Variants in TACR3 observed in about 807,000 individuals in gnomAD.
The protein encoded by TACR3 is neuromedin-K receptor.
In TACR3, 34 loss-of-function variants were observed where a neutral mutation model predicts 35.0. The observed-to-expected ratio is 0.97, with a 90% confidence interval of 0.74 to 1.30. TACR3 has a LOEUF of 1.30. TACR3 is among the 50% of genes most tolerant of loss of function. The pLI is 0.00. For missense variants in TACR3, 558 were observed against 591.7 expected (o/e 0.94, Z 0.59); for synonymous variants, 233 against 221.1 (o/e 1.05, Z -0.48).
chr4:103,698,887 T>C (rs1017239499), intron 1 of TACR3, among the ~76,000 whole-genome samples: 3 of 152,186 alleles, frequency 2.0e-5, no homozygotes, highest in Admixed American at 6.5e-5. Context: ...TGTATGACTG[T>C]ATAAAAACAT....
chr4:103,695,143 A>G (rs539166041), intron 1 of TACR3, among the ~76,000 whole-genome samples: 1 of 152,324 alleles, frequency 6.6e-6, no homozygotes, highest in South Asian at 2.1e-4. Context: ...TTACAGTGAA[A>G]CTAAAAATAA....
At chr4:103,700,773 C>A (rs191633967) in intron 1 of TACR3, among the ~76,000 whole-genome samples, 1 of 152,066 alleles carries the variant, frequency 6.6e-6, no homozygotes, top group Admixed American at 6.6e-5. Flanking sequence ...CATAATCCAG[C>A]GTATAAACAG....
chr4:103,618,165 G>A (rs1024171699), intron 3 of TACR3, among the ~76,000 whole-genome samples: 13 of 152,178 alleles, frequency 8.5e-5, no homozygotes, highest in Non-Finnish European at 1.6e-4. Context: ...TCGATGTTGA[G>A]AAGAGTACTT....
intron 3 of TACR3, among the ~76,000 whole-genome samples, chr4:103,646,282 A>T (rs1406558490): frequency 6.6e-6 from 1 of 152,008 alleles, no homozygotes; most frequent in Non-Finnish European, 1.5e-5. Flanking sequence ...CTAACAGAAG[A>T]CTAGAAAACA....
rs932174631 is a variant in TACR3, at chr4:103,630,806, T to C, written c.888+25388A>G. Among the ~76,000 whole-genome samples the C allele has an allele frequency of 2.0e-5, 3 of 152,076 alleles. No individual in the cohort carries two copies. The South Asian group carries it at 6.2e-4, about 31-fold the overall frequency. ...CAAGTATCTAGAACTAGAAAAACCATTGACCCAGCCATCCCATTACTGGGT... is the reference window on the plus strand; with the variant it reads ...CAAGTATCTAGAACTAGAAAAACCACTGACCCAGCCATCCCATTACTGGGT... On this transcript the variant is annotated intron_variant, in intron 3 of 4. Coordinates refer to ENST00000304883, the MANE Select transcript of TACR3 (RefSeq NM_001059.3).
chr4:103,655,834 T>C (rs1725723079), intron 3 of TACR3, among the ~76,000 whole-genome samples: 1 of 152,036 alleles, frequency 6.6e-6, no homozygotes, highest in Non-Finnish European at 1.5e-5. Context: ...GAGCAGATTA[T>C]AGAATACATC....
chr4:103,597,446 C>CT (rs529213074), intron 3 of TACR3, among the ~76,000 whole-genome samples: 13 of 151,808 alleles, frequency 8.6e-5, no homozygotes, highest in East Asian at 7.7e-4. Context: ...GATTAGAATC[C>CT]TTTTTTTTAA....
chr4:103,614,579 A>G (rs1227736359), intron 3 of TACR3, among the ~76,000 whole-genome samples: 1 of 152,200 alleles, frequency 6.6e-6, no homozygotes, highest in Non-Finnish European at 1.5e-5. Flanking sequence ...ACAAAATTTG[A>G]TTTAAATCTA....
chr4:103,664,411 G>C (rs141237351), intron 1 of TACR3, among the ~76,000 whole-genome samples: 1 of 152,184 alleles, frequency 6.6e-6, no homozygotes, highest in Admixed American at 6.5e-5. Flanking sequence ...AGTTGTTTCT[G>C]GATTTTTATG....
intron 3 of TACR3, among the ~76,000 whole-genome samples, chr4:103,643,673 ATATATGTCAAAGCTC>A (rs1391939634): frequency 6.6e-6 from 1 of 151,794 alleles, no homozygotes; most frequent in Non-Finnish European, 1.5e-5. Context: ...GAGTACAACG[ATATATGTCAAAGCTC>A]TATATAATGA....
chr4:103,654,408 G>A (rs1330964149), intron 3 of TACR3, among the ~76,000 whole-genome samples: 1 of 114,294 alleles, frequency 8.7e-6, no homozygotes. Context: ...TGACATGGAT[G>A]AAACTGGAAA....
At chr4:103,693,841 A>T (rs1722465181) in intron 1 of TACR3, among the ~76,000 whole-genome samples, 1 of 152,178 alleles carries the variant, frequency 6.6e-6, no homozygotes, top group Middle Eastern at 3.4e-3. Context: ...GACCTTAATG[A>T]TAATATTTTT....
chr4:103,640,047 A>G (rs901194719), intron 3 of TACR3, among the ~76,000 whole-genome samples: 1 of 152,010 alleles, frequency 6.6e-6, no homozygotes. Flanking sequence ...AGCATTAGGA[A>G]CTAGAGACTT....
intron 3 of TACR3, chr4:103,624,400 CAA>C (rs1724846633): frequency 6.6e-6 from 1 of 151,918 alleles, no homozygotes; most frequent in South Asian, 2.1e-4. Context: ...ACCTGAGAAT[CAA>C]AAGGGATAAA....
intron 1 of TACR3, among the ~76,000 whole-genome samples, chr4:103,665,198 C>CT (rs1251935608): frequency 6.8e-6 from 1 of 148,102 alleles, no homozygotes; most frequent in African/African-American, 2.5e-5. Flanking sequence ...AGTGAATAAG[C>CT]TTTTATTAAA....
intron 1 of TACR3, among the ~76,000 whole-genome samples, chr4:103,712,552 T>A (rs142913139): frequency 0.12 from 17,788 of 152,088 alleles, 1,359 homozygotes; most frequent in East Asian, 0.37. Context: ...ACCATTCAGG[T>A]CATAGGCATG....
rs1215455280 is a variant in TACR3, at chr4:103,589,199, A to G, written c.*483T>C. 1 of 153,904 alleles carries G rather than the reference A, an allele frequency of 6.5e-6. No homozygotes were observed. The highest frequency in any genetic ancestry group is 1.4e-5 in the Non-Finnish European group (1 of 69,154). 9.5% of individuals were successfully genotyped at this position (153,904 alleles called of 1,614,324 possible). A position where few individuals can be genotyped will look rare whatever the true frequency, so the allele number is the denominator to read the frequency against. On this transcript the variant is annotated 3_prime_UTR_variant, in exon 5 of 5. Transcript: ENST00000304883. Reference sequence around the variant, plus strand: ...CTTGAGGTTAATTTTCCATTACTCTAGTGGGAAAATGAATCATTTAACTTT... The same window carrying G: ...CTTGAGGTTAATTTTCCATTACTCTGGTGGGAAAATGAATCATTTAACTTT...
intron 3 of TACR3, among the ~76,000 whole-genome samples, chr4:103,650,244 C>T (rs1486384978): frequency 6.6e-6 from 1 of 151,712 alleles, no homozygotes; most frequent in African/African-American, 2.4e-5. Flanking sequence ...TGGGGTGACA[C>T]AAGCAGCCTG....
At chr4:103,698,882 G>C (rs1722584798) in intron 1 of TACR3, among the ~76,000 whole-genome samples, 1 of 152,112 alleles carries the variant, frequency 6.6e-6, no homozygotes, top group African/African-American at 2.4e-5. Context: ...CACATTGTAT[G>C]ACTGTATAAA....
Sources: gnomAD v4.1 joint callset for allele counts (sites outside exome capture counted in the v4.1 genomes callset) on GRCh38, gnomAD v4.1.1 for gene constraint, MANE v1.5 for transcripts, NCBI Gene and HGNC (gene_info 2026-07-23, HGNC 2026-07-21) for gene names.